Variants in PRKAR1A observed in about 807,000 individuals in gnomAD.
The protein encoded by PRKAR1A is protein kinase cAMP-dependent type I regulatory subunit alpha, also known as cAMP-dependent protein kinase type I-alpha regulatory subunit.
PRKAR1A carries 3 observed loss-of-function variants against 52.0 expected under a neutral mutation model. That is an observed-to-expected ratio of 0.06 (90% CI 0.03 to 0.15). PRKAR1A has a LOEUF of 0.15. Among genes scored for constraint, PRKAR1A ranks in the 10% least tolerant of loss-of-function variants. The pLI is 1.00. For synonymous variants in PRKAR1A, 188 were observed against 168.4 expected, an observed-to-expected ratio of 1.12 and a Z score of -0.90; for missense variants, 240 against 477.4, an observed-to-expected ratio of 0.50 and a Z score of 4.63.
At chr17:68,472,092 C>A in the PRKAR1A span, among the ~76,000 whole-genome samples, 2 of 152,210 alleles carry the variant, frequency 1.3e-5, no homozygotes, top group African/African-American at 4.8e-5. Context: ...GCCTGAGCCA[C>A]CGCGCCCAGC....
chr17:68,489,011 T>G, the PRKAR1A span, among the ~76,000 whole-genome samples: 1 of 149,832 alleles, frequency 6.7e-6, no homozygotes, highest in Non-Finnish European at 1.5e-5. Flanking sequence ...TTTTAAAAAT[T>G]TGAAAAAAAA....
the PRKAR1A span, among the ~76,000 whole-genome samples, chr17:68,446,337 T>C: frequency 6.6e-6 from 1 of 152,036 alleles, no homozygotes; most frequent in Non-Finnish European, 1.5e-5. Flanking sequence ...TGCGCCACCA[T>C]GCCTGGCTAA....
rs946041679 is a variant in PRKAR1A at position 68,529,858 on chromosome 17, T to C, written c.892-62T>C. 7 of 1,514,182 alleles carry C rather than the reference T, an allele frequency of 4.6e-6. No homozygotes were observed. The East Asian group carries it at 1.6e-4, about 34-fold the overall frequency. 93.8% of individuals were successfully genotyped at this position (1,514,182 alleles called of 1,614,324 possible). A position where few individuals can be genotyped will look rare whatever the true frequency, so the allele number is the denominator to read the frequency against. ...GGTAGTTAAAATTGCATAGGATGTT[T>C]AAGGTGCCACCCTGGGTTTGAGAGT... On this transcript the variant is annotated intron_variant, in intron 9 of 10. Transcript: ENST00000589228.
the PRKAR1A span, among the ~76,000 whole-genome samples, chr17:68,417,710 AAAGACCTAAT>A: frequency 6.7e-6 from 1 of 148,256 alleles, no homozygotes; most frequent in Non-Finnish European, 1.5e-5. Flanking sequence ...CACTTCTCCA[AAAGACCTAAT>A]AAGAGTTGCT....
chr17:68,437,001 A>ATATATATATAT, the PRKAR1A span, among the ~76,000 whole-genome samples: 3 of 51,460 alleles, frequency 5.8e-5, no homozygotes, highest in Non-Finnish European at 1.5e-4. Context: ...CTCAAAAAAA[A>ATATATATATAT]AAAAATATAT....
the PRKAR1A span, chr17:68,428,534 C>G: frequency 3.9e-6 from 1 of 255,806 alleles, no homozygotes; most frequent in East Asian, 9.5e-5. Flanking sequence ...CACCTGGTGG[C>G]AGGGAATATT....
upstream of PRKAR1A, among the ~76,000 whole-genome samples, chr17:68,508,477 T>C (rs183878373): frequency 2.6e-5 from 4 of 152,248 alleles, no homozygotes; most frequent in East Asian, 7.7e-4. Flanking sequence ...AGCTAAACAT[T>C]GATTACTCAA....
At chr17:68,424,142 T>C in the PRKAR1A span, among the ~76,000 whole-genome samples, 1 of 152,208 alleles carries the variant, frequency 6.6e-6, no homozygotes. Flanking sequence ...TGGTTTATAG[T>C]TAGGCAGCAT....
chr17:68,530,350 G>T lies in PRKAR1A; in HGVS notation c.1047G>T (p.Lys349Asn). ...VVARGPLKCV[K>N]LDRPRFERVL... The stretch of plus-strand genomic sequence containing the variant: ...CTCGTGGCCCCTTGAAGTGCGTTAA[G>T]CTGGACCGACCTAGATTTGAACGTG... Residue 349 changes from lysine (K) to asparagine (N), a missense_variant, in exon 11 of 11, where the codon AAG (lysine) becomes AAT (asparagine). Lys to Asn is a moderately conservative substitution (Grantham distance 94, BLOSUM62 0). Transcript: ENST00000589228. 1.2e-6 allele frequency: 2 copies of T among 1,614,118 alleles called. No individual in the cohort carries two copies. The highest frequency in any genetic ancestry group is 1.7e-6 in the Non-Finnish European group (2 of 1,180,002).
At chr17:68,459,202 T>C in the PRKAR1A span, among the ~76,000 whole-genome samples, 1 of 152,224 alleles carries the variant, frequency 6.6e-6, no homozygotes, top group Non-Finnish European at 1.5e-5. Flanking sequence ...TTTAGATACT[T>C]TGTGCCATTT....
At chr17:68,426,239 G>A in the PRKAR1A span, 61 of 1,170,174 alleles carry the variant, frequency 5.2e-5, 1 homozygote, top group Admixed American at 1.0e-3. Flanking sequence ...ATGACCTGGC[G>A]GGTGGGGAGC....
At chr17:68,528,840 A>G (rs1022278470) in intron 8 of PRKAR1A, 30 bp from the exon 9 acceptor site, 1 of 1,611,922 alleles carries the variant, frequency 6.2e-7, no homozygotes, top group African/African-American at 1.3e-5. Context: ...CAAATAATAC[A>G]GAGCAGTTAT....
the PRKAR1A span, among the ~76,000 whole-genome samples, chr17:68,433,761 T>TTG: frequency 3.9e-3 from 24 of 6,090 alleles, 2 homozygotes; most frequent in South Asian, 0.01. Flanking sequence ...AGGGTCATAG[T>TTG]TTTTTTTTTT....
the PRKAR1A span, among the ~76,000 whole-genome samples, chr17:68,426,565 C>T: frequency 2.6e-5 from 4 of 152,200 alleles, no homozygotes; most frequent in Non-Finnish European, 5.9e-5. Flanking sequence ...CAGAGTCTCA[C>T]TCTTTCACCC....
At chr17:68,470,645 A>G in the PRKAR1A span, among the ~76,000 whole-genome samples, 1 of 152,256 alleles carries the variant, frequency 6.6e-6, no homozygotes, top group African/African-American at 2.4e-5. Context: ...GTGATGGAAA[A>G]ACAAACCAAA....
At chr17:68,537,459 A>C (rs1398600623), downstream of PRKAR1A, 5 of 1,613,858 alleles carry the variant, frequency 3.1e-6, no homozygotes, top group South Asian at 1.1e-5. The surrounding 1 kb of genome is among the most constrained non-coding windows in gnomAD (Gnocchi z 4.2). Flanking sequence ...ATTTTCTGAA[A>C]CTGGACTCTG....
At chr17:68,488,729 C>T in the PRKAR1A span, among the ~76,000 whole-genome samples, 2 of 58,128 alleles carry the variant, frequency 3.4e-5, no homozygotes, top group African/African-American at 1.4e-4. Context: ...GACTCCATCT[C>T]AAAACAAAAA....
chr17:68,501,944 C>T, the PRKAR1A span, among the ~76,000 whole-genome samples: 1 of 152,208 alleles, frequency 6.6e-6, no homozygotes, highest in Non-Finnish European at 1.5e-5. Flanking sequence ...TGAGTCCTTC[C>T]TGTCTCCTCC....
At chr17:68,541,123 C>T in intron 11 of PRKAR1A, 1 of 948,160 alleles carries the variant, frequency 1.1e-6, no homozygotes, top group Non-Finnish European at 1.5e-6. Context: ...ACGCGTAAGG[C>T]TGCATATTCC....
Sources: allele counts gnomAD v4.1 joint callset (sites outside exome capture counted in the v4.1 genomes callset), GRCh38; gene constraint gnomAD v4.1.1; non-coding constraint Gnocchi (gnomAD v3.1); transcripts MANE v1.5; gene names NCBI Gene and HGNC (gene_info 2026-07-23, HGNC 2026-07-21).